The following DIP2C variants were observed in gnomAD, a reference collection of about 807,000 sequenced individuals.
The protein encoded by DIP2C is DIP2 acetate--CoA ligase C (putative).
A neutral mutation model predicts 192.4 loss-of-function variants in DIP2C; 33 were observed. The observed-to-expected ratio is 0.17, with a 90% CI of 0.13 to 0.23. The LOEUF (loss-of-function observed/expected upper bound fraction) is 0.23. Ranked by LOEUF, DIP2C falls within the 10% of genes least tolerant of loss-of-function variation. The pLI is 1.00. For synonymous variants in DIP2C, 979 were observed against 864.1 expected (o/e 1.13, Z -2.33); for missense variants, 1,537 against 2,110.1 (o/e 0.73, Z 5.32).
chr10:469,467 C>A (rs1970464539), intron 3 of DIP2C, among the ~76,000 whole-genome samples: 1 of 152,066 alleles, frequency 6.6e-6, no homozygotes. Context: ...CAGGCATGCA[C>A]CACCATGCCT....
intron 1 of DIP2C, among the ~76,000 whole-genome samples, chr10:591,431 GGT>G (rs1851398019): frequency 6.6e-6 from 1 of 152,008 alleles, no homozygotes; most frequent in South Asian, 2.1e-4. Flanking sequence ...TGCCATTACT[GGT>G]GTAATTTCTA....
At chr10:281,464 G>C (rs889126240) in intron 35 of DIP2C, 141 bp from the exon 36 acceptor site, 3 of 1,260,752 alleles carry the variant, frequency 2.4e-6, no homozygotes, top group Non-Finnish European at 3.1e-6. Flanking sequence ...AGGGACGTTT[G>C]TTTCCTTCTG....
At chr10:313,503 T>C (rs1956648440) in intron 31 of DIP2C, among the ~76,000 whole-genome samples, 1 of 152,080 alleles carries the variant, frequency 6.6e-6, no homozygotes, top group Non-Finnish European at 1.5e-5. Flanking sequence ...AGGCACAGAC[T>C]TGTTGTCATA....
chr10:340,191 A>AG (rs1958075289), intron 29 of DIP2C, among the ~76,000 whole-genome samples: 1 of 151,888 alleles, frequency 6.6e-6, no homozygotes, highest in South Asian at 2.1e-4. Context: ...AAAAAAAAAA[A>AG]GATAAAAGAT....
At chr10:565,428 A>G (rs1849415449) in intron 1 of DIP2C, among the ~76,000 whole-genome samples, 1 of 151,642 alleles carries the variant, frequency 6.6e-6, no homozygotes, top group African/African-American at 2.4e-5. Flanking sequence ...AAAACCACAC[A>G]TCTCACATGC....
chr10:601,877 G>A (rs541404245), intron 1 of DIP2C, among the ~76,000 whole-genome samples: 25 of 152,194 alleles, frequency 1.6e-4, no homozygotes, highest in Non-Finnish European at 2.8e-4. Flanking sequence ...TCAGGCTCGG[G>A]TAAGGAGAGA....
intron 2 of DIP2C, among the ~76,000 whole-genome samples, chr10:475,399 G>T (rs568932536): frequency 6.6e-6 from 1 of 152,156 alleles, no homozygotes; most frequent in African/African-American, 2.4e-5. Flanking sequence ...CGTATCCAGT[G>T]GCCTGACGTT....
chr10:407,473 A>G lies in DIP2C; in HGVS notation c.1149+1453T>C, dbSNP rs143162358. On this transcript the variant is annotated intron_variant, in intron 9 of 36. Transcript: ENST00000280886. ...CCGAAGCAGAACTGCTGGATCACACAGTAATTCCATGTTTAATTCTTTGAG... is the reference window on the plus strand; with the variant it reads ...CCGAAGCAGAACTGCTGGATCACACGGTAATTCCATGTTTAATTCTTTGAG... 6.0e-3 allele frequency among the ~76,000 whole-genome samples: 912 copies of G among 152,322 alleles called. 3 individuals are homozygous for G. The highest frequency in any genetic ancestry group is 0.014 in the Middle Eastern group (4 of 294).
At chr10:404,431 A>C (rs906789240) in intron 9 of DIP2C, among the ~76,000 whole-genome samples, 1 of 152,118 alleles carries the variant, frequency 6.6e-6, no homozygotes, top group Non-Finnish European at 1.5e-5. Flanking sequence ...GGCTGGTCTC[A>C]ATCTCTTGAC....
chr10:620,413 G>A (rs61833005), intron 1 of DIP2C, among the ~76,000 whole-genome samples: 2 of 152,266 alleles, frequency 1.3e-5, no homozygotes, highest in South Asian at 2.1e-4. Flanking sequence ...CAAAGAAAAC[G>A]GCACACGGAG....
At chr10:671,974 C>G (rs1164380571) in intron 1 of DIP2C, among the ~76,000 whole-genome samples, 2 of 145,966 alleles carry the variant, frequency 1.4e-5, no homozygotes, top group African/African-American at 5.1e-5. Context: ...GCCACAGACA[C>G]ACGGAAGGAG....
chr10:496,567 A>T (rs1038610811), intron 1 of DIP2C, among the ~76,000 whole-genome samples: 2 of 148,610 alleles, frequency 1.3e-5, no homozygotes, highest in Non-Finnish European at 3.0e-5. Context: ...AGTACACACA[A>T]CACATGGTGC....
At chr10:342,911 C>A (rs1382422297) in intron 28 of DIP2C, among the ~76,000 whole-genome samples, 1 of 152,204 alleles carries the variant, frequency 6.6e-6, no homozygotes, top group Non-Finnish European at 1.5e-5. Context: ...GATCAATTTT[C>A]TCACAGAAGC....
At chr10:635,509 G>A (rs891290844) in intron 1 of DIP2C, among the ~76,000 whole-genome samples, 2 of 152,252 alleles carry the variant, frequency 1.3e-5, no homozygotes, top group Non-Finnish European at 2.9e-5. Flanking sequence ...TCTCTGGGGC[G>A]TTGAGGGCCC....
chr10:383,952 G>C, intron 16 of DIP2C, 75 bp downstream of exon 16: 1 of 1,397,356 alleles, frequency 7.2e-7, no homozygotes, highest in South Asian at 1.6e-5. Flanking sequence ...TTCACAGCCT[G>C]CCTGCCTCAC....
intron 2 of DIP2C, among the ~76,000 whole-genome samples, chr10:476,405 G>T (rs1263167519): frequency 1.3e-5 from 2 of 152,186 alleles, no homozygotes; most frequent in Non-Finnish European, 2.9e-5. Context: ...AACTTTCCTA[G>T]GCTCAGCCTC....
intron 17 of DIP2C, chr10:369,857 C>G (rs953333547): frequency 8.1e-6 from 11 of 1,358,324 alleles, no homozygotes; most frequent in Non-Finnish European, 9.8e-6. Flanking sequence ...CCAGGGAATC[C>G]CAAGAACACC....
chr10:565,257 A>G (rs1328973993), intron 1 of DIP2C, among the ~76,000 whole-genome samples: 2 of 151,854 alleles, frequency 1.3e-5, no homozygotes, highest in African/African-American at 4.8e-5. Context: ...GTACATACAC[A>G]GCATTTAAGA....
chr10:592,311 T>TTGCCTCCGTAGCAGCGGA (rs1388168081), intron 1 of DIP2C, among the ~76,000 whole-genome samples: 1 of 152,210 alleles, frequency 6.6e-6, no homozygotes, highest in Non-Finnish European at 1.5e-5. Context: ...AGGGCTCATG[T>TTGCCTCCGTAGCAGCGGA]TGCCTCCGTA....
Sources: allele counts gnomAD v4.1 joint callset (sites outside exome capture counted in the v4.1 genomes callset), GRCh38; gene constraint gnomAD v4.1.1; transcripts MANE v1.5; gene names NCBI Gene and HGNC (gene_info 2026-07-23, HGNC 2026-07-21).